CDH13: variants seen among roughly 807,000 people sequenced by gnomAD.
CDH13 encodes cadherin-13.
CDH13 carries 24 observed loss-of-function variants against 63.8 expected under a neutral mutation model. The observed-to-expected ratio is 0.38, with a 90% CI of 0.27 to 0.53. The LOEUF is 0.53. Ranked by LOEUF, CDH13 falls within the 20% of genes least tolerant of loss-of-function variation. The probability of loss-of-function intolerance (pLI) is 0.85; values close to 1 mark genes in which losing one functional copy is unlikely to be tolerated. For synonymous variants in CDH13, 503 were observed against 355.3 expected (o/e 1.42, Z -4.67); for missense variants, 1,049 against 903.1 (o/e 1.16, Z -2.07).
intron 1 of CDH13, among the ~76,000 whole-genome samples, chr16:82,785,928 C>T (rs1404079985): frequency 6.6e-6 from 1 of 152,190 alleles, no homozygotes. Flanking sequence ...GGGTTCTTAT[C>T]CCTGATGCAC....
chr16:82,672,786 C>CACACAG (rs1913412086), intron 1 of CDH13, among the ~76,000 whole-genome samples: 1 of 149,560 alleles, frequency 6.7e-6, no homozygotes, highest in Non-Finnish European at 1.5e-5. Context: ...CACACACACA[C>CACACAG]ACACACACAC....
chr16:83,262,049 C>T (rs892028473), intron 5 of CDH13, among the ~76,000 whole-genome samples: 2 of 152,134 alleles, frequency 1.3e-5, no homozygotes, highest in East Asian at 1.9e-4. Context: ...GCTGTCTTCA[C>T]GCTGGCACAC....
At chr16:83,375,014 T>C (rs2091435729) in intron 6 of CDH13, among the ~76,000 whole-genome samples, 2 of 152,224 alleles carry the variant, frequency 1.3e-5, no homozygotes, top group Admixed American at 1.3e-4. Context: ...AATGATATAA[T>C]GTAGCAGAAT....
intron 4 of CDH13, among the ~76,000 whole-genome samples, chr16:83,164,394 C>G (rs749525443): frequency 4.6e-5 from 7 of 152,012 alleles, no homozygotes; most frequent in Non-Finnish European, 8.8e-5. Context: ...ATCCACGTCC[C>G]TCTGACTCTT....
intron 2 of CDH13, chr16:82,884,350 G>T (rs759533885): frequency 2.7e-6 from 1 of 376,024 alleles, no homozygotes. Context: ...GAGAGCTTGG[G>T]ATTCAGTTCT....
At chr16:83,190,245 G>A (rs1051097109) in intron 4 of CDH13, among the ~76,000 whole-genome samples, 1 of 152,202 alleles carries the variant, frequency 6.6e-6, no homozygotes, top group African/African-American at 2.4e-5. Flanking sequence ...CTCATTATGA[G>A]TGGAAGTGGG....
intron 1 of CDH13, among the ~76,000 whole-genome samples, chr16:82,843,608 C>T (rs2039124984): frequency 6.6e-6 from 1 of 151,996 alleles, no homozygotes; most frequent in Admixed American, 6.6e-5. Flanking sequence ...CATTTTAGTT[C>T]AATAGAAGAA....
intron 2 of CDH13, among the ~76,000 whole-genome samples, chr16:82,985,952 C>G (rs963732685): frequency 6.6e-6 from 1 of 152,100 alleles, no homozygotes; most frequent in Non-Finnish European, 1.5e-5. Flanking sequence ...TGACTGGAAG[C>G]TTCCCGAAGC....
chr16:82,847,106 T>C (rs2039292608), intron 1 of CDH13, among the ~76,000 whole-genome samples: 1 of 152,126 alleles, frequency 6.6e-6, no homozygotes, highest in Non-Finnish European at 1.5e-5. Context: ...TTTGCCCTCT[T>C]CATTGGTTTT....
intron 2 of CDH13, among the ~76,000 whole-genome samples, chr16:83,030,431 C>T (rs1475371295): frequency 6.6e-6 from 1 of 151,860 alleles, no homozygotes; most frequent in Non-Finnish European, 1.5e-5. Context: ...GGCCTGAGGT[C>T]GGGAGTTCGA....
At chr16:83,364,735 A>G (rs575434644) in intron 6 of CDH13, among the ~76,000 whole-genome samples, 9 of 152,336 alleles carry the variant, frequency 5.9e-5, no homozygotes, top group African/African-American at 2.2e-4. Context: ...GGAAACAGAA[A>G]CAATGGGAAG....
chr16:83,498,376 C>A (rs536536991), intron 7 of CDH13, among the ~76,000 whole-genome samples: 24 of 152,246 alleles, frequency 1.6e-4, no homozygotes, highest in South Asian at 8.3e-4. Flanking sequence ...TCTAGAGCCA[C>A]CTGGAAACAA....
At chr16:83,026,361 G>A (rs924679292) in intron 2 of CDH13, among the ~76,000 whole-genome samples, 1 of 152,142 alleles carries the variant, frequency 6.6e-6, no homozygotes, top group Non-Finnish European at 1.5e-5. Context: ...ATGGGACCAC[G>A]AGCTAGTCAG....
At chr16:82,800,081 G>C (rs911500869) in intron 1 of CDH13, among the ~76,000 whole-genome samples, 1 of 152,190 alleles carries the variant, frequency 6.6e-6, no homozygotes, top group African/African-American at 2.4e-5. Context: ...TTAAAAGACA[G>C]GAAGACCCTT....
At chr16:82,730,785 G>T (rs1231515207) in intron 1 of CDH13, among the ~76,000 whole-genome samples, 1 of 152,124 alleles carries the variant, frequency 6.6e-6, no homozygotes, top group Non-Finnish European at 1.5e-5. Flanking sequence ...CTTTCAGTTG[G>T]CTTAAGGTAA....
Position 83,647,372 on chromosome 16 carries a change from C to T in CDH13, c.1102-23418C>T, listed in dbSNP as rs569558240. On this transcript the variant is annotated intron_variant, in intron 8 of 13. Coordinates refer to ENST00000567109, the MANE Select transcript of CDH13 (RefSeq NM_001257.5). ...ACTCTTACCCTACCTGTAGGAAGTA[C>T]CGTGTTGCTCACGGGTGACCCCAGG... Among the ~76,000 whole-genome samples the T allele has an allele frequency of 8.3e-4, 126 of 151,868 alleles. 1 individual carries two copies. The highest frequency in any genetic ancestry group is 2.8e-3 in the African/African-American group (117 of 41,408).
intron 8 of CDH13, among the ~76,000 whole-genome samples, chr16:83,620,393 A>G (rs1418222858): frequency 6.6e-6 from 1 of 150,934 alleles, no homozygotes; most frequent in Non-Finnish European, 1.5e-5. Context: ...CCGTCTCAAA[A>G]AAAAAAAAAA....
intron 5 of CDH13, among the ~76,000 whole-genome samples, chr16:83,316,988 G>A (rs187795351): frequency 6.6e-6 from 1 of 152,194 alleles, no homozygotes; most frequent in Non-Finnish European, 1.5e-5. Context: ...TAGCAGAGGG[G>A]TTCCTAACCT....
At chr16:82,949,547 CA>C (rs1194270065) in intron 2 of CDH13, among the ~76,000 whole-genome samples, 1 of 152,106 alleles carries the variant, frequency 6.6e-6, no homozygotes, top group African/African-American at 2.4e-5. Context: ...TTAATAGGGT[CA>C]ATATTTCAAT....
Sources: allele counts gnomAD v4.1 joint callset (sites outside exome capture counted in the v4.1 genomes callset), GRCh38; gene constraint gnomAD v4.1.1; transcripts MANE v1.5; gene names NCBI Gene and HGNC (gene_info 2026-07-23, HGNC 2026-07-21).